BCAS1: variants seen among roughly 807,000 people sequenced by gnomAD.
BCAS1 encodes the protein breast carcinoma-amplified sequence 1.
BCAS1 carries 46 observed loss-of-function variants against 65.4 expected under a neutral mutation model. The ratio of observed to expected loss-of-function variants is 0.70; its 90% CI spans 0.55 to 0.90. BCAS1 has a LOEUF of 0.90. Ranked by LOEUF, BCAS1 falls within the 40% of genes least tolerant of loss-of-function variation. The pLI is 0.00. For synonymous variants in BCAS1, 298 were observed against 293.5 expected, an observed-to-expected ratio of 1.02 and a Z score of -0.16; for missense variants, 793 against 771.2, an observed-to-expected ratio of 1.03 and a Z score of -0.33.
At chr20:53,978,770 A>T (rs1311150372) in intron 8 of BCAS1, among the ~76,000 whole-genome samples, 2 of 152,356 alleles carry the variant, frequency 1.3e-5, no homozygotes, top group East Asian at 3.9e-4. Flanking sequence ...GCAGGTTCTG[A>T]TCCCCCTTTA....
intron 1 of BCAS1, among the ~76,000 whole-genome samples, chr20:54,060,383 G>A (rs1220057366): frequency 6.6e-6 from 1 of 152,186 alleles, no homozygotes; most frequent in African/African-American, 2.4e-5. Context: ...TGCAATCTCG[G>A]CTCACTGCAA....
intron 4 of BCAS1, among the ~76,000 whole-genome samples, chr20:54,001,279 G>A (rs1019132234): frequency 6.6e-6 from 1 of 152,090 alleles, no homozygotes; most frequent in Non-Finnish European, 1.5e-5. Flanking sequence ...CATTCCTGGG[G>A]GTAGGCCACA....
chr20:54,007,393 G>A (rs1443673713), intron 4 of BCAS1, among the ~76,000 whole-genome samples: 1 of 152,196 alleles, frequency 6.6e-6, no homozygotes. Flanking sequence ...CATGATGGAC[G>A]CCCTCTGAAT....
intron 10 of BCAS1, among the ~76,000 whole-genome samples, chr20:53,961,738 C>A (rs950409642): frequency 2.0e-5 from 3 of 152,192 alleles, no homozygotes; most frequent in Non-Finnish European, 4.4e-5. Flanking sequence ...GCAGCAATTA[C>A]ACATGAGTCA....
chr20:54,008,893 A>C (rs1719406950), intron 4 of BCAS1, among the ~76,000 whole-genome samples: 1 of 151,618 alleles, frequency 6.6e-6, no homozygotes. Flanking sequence ...GGCTCACTGC[A>C]GCCTCTGCCT....
chr20:54,058,882 A>G (rs539338019), intron 1 of BCAS1, among the ~76,000 whole-genome samples, 159 bp from the exon 2 acceptor site: 25 of 152,340 alleles, frequency 1.6e-4, no homozygotes, highest in Admixed American at 1.3e-3. Context: ...TCACACTGCT[A>G]TGAAGAAATA....
intron 3 of BCAS1, among the ~76,000 whole-genome samples, chr20:54,053,810 G>C (rs537100515): frequency 6.6e-6 from 1 of 152,214 alleles, no homozygotes; most frequent in African/African-American, 2.4e-5. Context: ...ATTCAATGTA[G>C]CATTCCAGCC....
At chr20:53,988,020 T>C (rs1362098772) in intron 7 of BCAS1, among the ~76,000 whole-genome samples, 1 of 152,168 alleles carries the variant, frequency 6.6e-6, no homozygotes, top group African/African-American at 2.4e-5. Flanking sequence ...GGGTTGGGGC[T>C]GACCTCATCC....
At chr20:53,996,243 A>G (rs1304623906) in intron 4 of BCAS1, among the ~76,000 whole-genome samples, 193 bp from the exon 5 acceptor site, 1 of 152,168 alleles carries the variant, frequency 6.6e-6, no homozygotes, top group Admixed American at 6.5e-5. Context: ...CATATTCAGC[A>G]TTTGCTGTTG....
At chr20:54,036,608 T>C (rs2091904208) in intron 3 of BCAS1, among the ~76,000 whole-genome samples, 1 of 151,306 alleles carries the variant, frequency 6.6e-6, no homozygotes, top group Non-Finnish European at 1.5e-5. Flanking sequence ...TCTTACAAAT[T>C]GGCATGAAAA....
intron 12 of BCAS1, among the ~76,000 whole-genome samples, chr20:53,951,747 C>T (rs989777165): frequency 3.9e-5 from 6 of 152,238 alleles, no homozygotes; most frequent in Non-Finnish European, 8.8e-5. Flanking sequence ...AAGTCCTTCT[C>T]TCAGGGCTAC....
At chr20:54,029,057 A>C in intron 3 of BCAS1, 85 bp from the exon 4 acceptor site, 1 of 1,483,878 alleles carries the variant, frequency 6.7e-7, no homozygotes. Context: ...TTTTTTATAC[A>C]AAAGCCATAC....
chr20:53,944,895 A>G lies in BCAS1; in HGVS notation c.*27T>C. 1 of 1,607,340 alleles carries G rather than the reference A, an allele frequency of 6.2e-7. No individual in the cohort carries two copies. ...GGAGAACACATCTTGGTGGCAGGAGAACCTGGTGGGAACCGTGCTGATTTG... is the reference window on the plus strand; with the variant it reads ...GGAGAACACATCTTGGTGGCAGGAGGACCTGGTGGGAACCGTGCTGATTTG... On this transcript the variant is annotated 3_prime_UTR_variant, in exon 13 of 13. Coordinates refer to ENST00000688948, the MANE Select transcript of BCAS1 (RefSeq NM_001366298.2).
intron 5 of BCAS1, 145 bp downstream of exon 5, chr20:53,995,747 C>T (rs2090890473): frequency 2.2e-6 from 2 of 928,308 alleles, no homozygotes; most frequent in Non-Finnish European, 3.0e-6. Context: ...TCTTATGAAG[C>T]ATATCTTGTC....
At chr20:53,961,393 T>C (rs1397728373) in intron 10 of BCAS1, among the ~76,000 whole-genome samples, 1 of 152,194 alleles carries the variant, frequency 6.6e-6, no homozygotes, top group African/African-American at 2.4e-5. Context: ...CTACTGAAAA[T>C]TTCTAGGATC....
chr20:53,982,260 C>A (rs572089686), intron 8 of BCAS1, among the ~76,000 whole-genome samples: 1 of 152,230 alleles, frequency 6.6e-6, no homozygotes, highest in African/African-American at 2.4e-5. Context: ...GTGTAAATAA[C>A]TTATGTAAGG....
chr20:53,967,926 C>G (rs983435818), intron 9 of BCAS1, among the ~76,000 whole-genome samples: 1 of 152,140 alleles, frequency 6.6e-6, no homozygotes, highest in Non-Finnish European at 1.5e-5. Context: ...TTTTAATTTC[C>G]TTTGTTTCCT....
intron 4 of BCAS1, among the ~76,000 whole-genome samples, chr20:53,999,774 A>G (rs2091011266): frequency 6.6e-6 from 1 of 152,074 alleles, no homozygotes; most frequent in Non-Finnish European, 1.5e-5. Flanking sequence ...TCTGTCACCC[A>G]GGCTGGAGTG....
rs188281135 is a variant in BCAS1 at position 54,033,437 on chromosome 20, A to G, written c.143-4465T>C. ...AAACAAGAAAATAGAAAAGATTCAAATAAACACAATCAGAAACGACAAGGG... is the reference window on the plus strand; with the variant it reads ...AAACAAGAAAATAGAAAAGATTCAAGTAAACACAATCAGAAACGACAAGGG... On this transcript the variant is annotated intron_variant, in intron 3 of 12. Coordinates refer to ENST00000688948, the MANE Select transcript of BCAS1 (RefSeq NM_001366298.2). Among the ~76,000 whole-genome samples the G allele has an allele frequency of 1.9e-4, 28 of 151,228 alleles. 3 individuals are homozygous for G. Among genetic ancestry groups the G allele is most frequent in the Non-Finnish European group, 4.1e-4 (28 of 67,566 alleles).
Sources: gnomAD v4.1 joint callset for allele counts (sites outside exome capture counted in the v4.1 genomes callset) on GRCh38, gnomAD v4.1.1 for gene constraint, MANE v1.5 for transcripts, NCBI Gene and HGNC (gene_info 2026-07-23, HGNC 2026-07-21) for gene names.